The following HECTD4 variants were observed in gnomAD, a reference collection of about 807,000 sequenced individuals.
HECTD4 encodes HECT domain E3 ubiquitin protein ligase 4, also known as probable E3 ubiquitin-protein ligase HECTD4.
HECTD4 carries 114 observed loss-of-function variants against 471.5 expected under a neutral mutation model. That is an observed-to-expected ratio of 0.24 (90% CI 0.21 to 0.28). The LOEUF (loss-of-function observed/expected upper bound fraction) is 0.28. Ranked by LOEUF, HECTD4 falls within the 10% of genes least tolerant of loss-of-function variation. The probability of loss-of-function intolerance (pLI) is 1.00; values close to 1 mark genes in which losing one functional copy is unlikely to be tolerated. For synonymous variants in HECTD4, 2,012 were observed against 2,256.0 expected (o/e 0.89, Z 3.07); for missense variants, 3,866 against 5,651.5 (o/e 0.68, Z 10.13).
chr12:112,236,479 T>C (rs1429393874), intron 35 of HECTD4, among the ~76,000 whole-genome samples: 3 of 152,210 alleles, frequency 2.0e-5, no homozygotes, highest in Non-Finnish European at 4.4e-5. Context: ...GAAAGCTAAA[T>C]AACATGCAGT....
Position 112,265,789 on chromosome 12 carries a change from C to T in HECTD4, c.2498+89G>A, listed in dbSNP as rs1036670242. On this transcript the variant is annotated intron_variant, in intron 15 of 75. Coordinates refer to ENST00000682272, the MANE Select transcript of HECTD4 (RefSeq NM_001388303.1). The stretch of plus-strand genomic sequence containing the variant: ...ATGCTAACGATCGTATTAGTTATAA[C>T]AGGAGACTAAAGTTGATCAAACACA... The T allele has an allele frequency of 9.9e-5, 93 of 935,756 alleles. 2 individuals are homozygous for T. The South Asian group carries it at 1.3e-3, about 13-fold the overall frequency. 58.0% of individuals were successfully genotyped at this position (935,756 alleles called of 1,614,324 possible).
chr12:112,366,795 G>A (rs1367583231), intron 1 of HECTD4, among the ~76,000 whole-genome samples: 2 of 149,758 alleles, frequency 1.3e-5, no homozygotes, highest in African/African-American at 2.5e-5. Flanking sequence ...CAGGAGAATC[G>A]CTTGAACCCA....
chr12:112,373,107 G>A (rs2036714946), intron 1 of HECTD4, among the ~76,000 whole-genome samples: 1 of 152,132 alleles, frequency 6.6e-6, no homozygotes, highest in African/African-American at 2.4e-5. Context: ...GATGATGATA[G>A]TATAACATAA....
chr12:112,225,505 A>C (rs1410817995), intron 44 of HECTD4, among the ~76,000 whole-genome samples: 2 of 152,036 alleles, frequency 1.3e-5, no homozygotes, highest in Non-Finnish European at 2.9e-5. Flanking sequence ...TCATTTAACC[A>C]GGCCAACTAC....
chr12:112,382,424 G>A lies in HECTD4; in HGVS notation c.-296C>T. ...CTGTCAGTGAGACGCCATGTTGGGG[G>A]CGGGGCTCCCGGCATGCCTCGCGGA... On this transcript the variant is annotated 5_prime_UTR_variant, in exon 1 of 76. Transcript: ENST00000682272. The A allele has an allele frequency of 3.7e-6, 1 of 272,116 alleles. No homozygotes were observed. Among genetic ancestry groups the A allele is most frequent in the Non-Finnish European group, 6.7e-6 (1 of 149,316 alleles). 16.9% of individuals were successfully genotyped at this position (272,116 alleles called of 1,614,324 possible). A position where few individuals can be genotyped will look rare whatever the true frequency, so the allele number is the denominator to read the frequency against.
chr12:112,323,955 T>C (rs961918330), intron 1 of HECTD4, among the ~76,000 whole-genome samples: 10 of 36,182 alleles, frequency 2.8e-4, no homozygotes, highest in African/African-American at 1.9e-3. Flanking sequence ...TGCTTCTTTC[T>C]TTCTTTCTTT....
chr12:112,199,910 G>T (rs1321534024), intron 55 of HECTD4, among the ~76,000 whole-genome samples: 1 of 152,120 alleles, frequency 6.6e-6, no homozygotes, highest in African/African-American at 2.4e-5. Flanking sequence ...TAGCTATCAC[G>T]ATTTCTTGTG....
chr12:112,301,821 T>G (rs868196174), intron 7 of HECTD4: 14 of 597,114 alleles, frequency 2.3e-5, no homozygotes, highest in Middle Eastern at 4.5e-4. Context: ...TAAGGAAAAT[T>G]TGTATTATTT....
chr12:112,321,232 C>A (rs2035578843), intron 1 of HECTD4, among the ~76,000 whole-genome samples: 1 of 152,100 alleles, frequency 6.6e-6, no homozygotes, highest in Non-Finnish European at 1.5e-5. Context: ...TGTTTTCTTG[C>A]CAAAACATTC....
In HECTD4 at chr12:112,195,179, G is replaced by T. The variant is rs189513987; in HGVS notation, c.8568-113C>A. On this transcript the variant is annotated intron_variant, in intron 55 of 75. Coordinates refer to ENST00000682272, the MANE Select transcript of HECTD4 (RefSeq NM_001388303.1). ...GATCCTGCCTCAGGCTTCTCTTCCA[G>T]CCTGATGTTCCAAACCCTAAAGGAG... is the stretch of plus-strand genomic sequence containing the variant. 239 of 876,946 alleles carry T rather than the reference G, an allele frequency of 2.7e-4. 1 individual carries two copies. The highest frequency in any genetic ancestry group is 5.5e-4 in the Admixed American group (20 of 36,312). The allele number at this position is 876,946 out of a possible 1,614,324, so 54.3% of individuals were successfully genotyped here.
At chr12:112,271,170 A>G (rs1344001332) in intron 11 of HECTD4, among the ~76,000 whole-genome samples, 1 of 152,192 alleles carries the variant, frequency 6.6e-6, no homozygotes, top group Non-Finnish European at 1.5e-5. Flanking sequence ...AATTTACACA[A>G]ATACCAAAAT....
chr12:112,248,452 C>T lies in HECTD4; in HGVS notation c.4011G>A (p.Leu1337=), dbSNP rs1420715540. ...GAGACTGCAGTGCATCAACCAAGTTCAAGTGCTTAATAACACAAGATACCA... is the reference window on the plus strand; with the variant it reads ...GAGACTGCAGTGCATCAACCAAGTTTAAGTGCTTAATAACACAAGATACCA... ...EMVVSCVIKH[L]NLVDALQSLI... The change falls in exon 26 of 76, where the codon TTG becomes TTA. Residue 1337 remains leucine (L), a synonymous_variant. Transcript: ENST00000682272. 1.9e-6 allele frequency: 3 copies of T among 1,612,150 alleles called. No homozygotes were observed. In the African/African-American group the frequency reaches 4.0e-5, roughly 22 times the overall value.
rs747629045 is a variant in HECTD4, at chr12:112,185,513, TAAC to T, written c.9473-23_9473-21del. 4 of 1,511,970 alleles carry T rather than the reference TAAC, an allele frequency of 2.6e-6. No homozygotes were observed. Among genetic ancestry groups the T allele is most frequent in the Non-Finnish European group, 3.6e-6 (4 of 1,121,180 alleles). 93.7% of individuals were successfully genotyped at this position (1,511,970 alleles called of 1,614,324 possible). A position where few individuals can be genotyped will look rare whatever the true frequency, so the allele number is the denominator to read the frequency against. On this transcript the variant is annotated intron_variant, in intron 60 of 75. Coordinates refer to ENST00000682272, the MANE Select transcript of HECTD4 (RefSeq NM_001388303.1). ...AGTTTCCTGAGGCAAATGAAAATAG[TAAC>T]AGTAATTACTATGCAGCACTGGCTA...
rs757203424 is a variant in HECTD4 at position 112,167,503 on chromosome 12, G to A, written c.12348C>T (p.Tyr4116=). 49 of 1,608,002 alleles carry A rather than the reference G, an allele frequency of 3.0e-5. No homozygotes were observed. Among genetic ancestry groups the A allele is most frequent in the South Asian group, 2.4e-4 (22 of 90,606 alleles). The part of the protein sequence containing the change: ...KYILTPSPIT[Y]GEEQLLHFLG... Reference sequence around the variant, plus strand: ...GGAAGTGCAGCAGCTGCTCCTCCCCGTAGGTGATGGGGCTCGGGGTCAGGA... The same window carrying A: ...GGAAGTGCAGCAGCTGCTCCTCCCCATAGGTGATGGGGCTCGGGGTCAGGA... Residue 4116 remains tyrosine (Y), a synonymous_variant, in exon 72 of 76, where the codon TAC becomes TAT. Transcript: ENST00000682272.
At chr12:112,269,022 G>A (rs543208308) in intron 13 of HECTD4, among the ~76,000 whole-genome samples, 10 of 150,682 alleles carry the variant, frequency 6.6e-5, no homozygotes, top group South Asian at 2.1e-4. Context: ...CTACAGGAGC[G>A]CGCCACCATG....
chr12:112,356,358 G>A (rs1343083391), intron 1 of HECTD4, among the ~76,000 whole-genome samples: 2 of 152,106 alleles, frequency 1.3e-5, no homozygotes, highest in Non-Finnish European at 1.5e-5. Flanking sequence ...ACAAAAGAAA[G>A]CTGAAAAATC....
rs2031770918 is a variant in HECTD4 at position 112,184,093 on chromosome 12, T to A, written c.10779+94A>T. 1 of 1,264,298 alleles carries A rather than the reference T, an allele frequency of 7.9e-7. No homozygotes were observed. The highest frequency in any genetic ancestry group is 2.2e-5 in the Admixed American group (1 of 46,180). 78.3% of individuals were successfully genotyped at this position (1,264,298 alleles called of 1,614,324 possible). A position where few individuals can be genotyped will look rare whatever the true frequency, so the allele number is the denominator to read the frequency against. On this transcript the variant is annotated intron_variant, in intron 61 of 75. Transcript: ENST00000682272. This position sits in a 1 kb window ranked among gnomAD's most constrained non-coding sequence, Gnocchi z 9.1. The stretch of plus-strand genomic sequence containing the variant: ...AGGGAGCCCCCAACCGCTCCACCAT[T>A]ACCTACTAGGAAATAACTTTGGAAG...
intron 29 of HECTD4, 91 bp downstream of exon 29, chr12:112,246,810 T>C (rs1410209576): frequency 8.3e-7 from 1 of 1,203,130 alleles, no homozygotes; most frequent in African/African-American, 1.6e-5. Flanking sequence ...AAGAGTGAAT[T>C]TTTCAAAATA....
At chr12:112,208,396 G>A in intron 51 of HECTD4, 98 bp downstream of exon 51, 3 of 1,217,724 alleles carry the variant, frequency 2.5e-6, no homozygotes, top group Admixed American at 6.7e-5. Flanking sequence ...AACCAGCTTT[G>A]CACTCTCACA....
Sources: allele counts gnomAD v4.1 joint callset (sites outside exome capture counted in the v4.1 genomes callset), GRCh38; gene constraint gnomAD v4.1.1; non-coding constraint Gnocchi (gnomAD v3.1); transcripts MANE v1.5; gene names NCBI Gene and HGNC (gene_info 2026-07-23, HGNC 2026-07-21).